IFNAR2: variants seen among roughly 807,000 people sequenced by gnomAD.
The protein encoded by IFNAR2 is interferon alpha/beta receptor 2.
A neutral mutation model predicts 49.4 loss-of-function variants in IFNAR2; 30 were observed. The ratio of observed to expected loss-of-function variants is 0.61; its 90% confidence interval spans 0.45 to 0.82. IFNAR2 has a LOEUF of 0.82. IFNAR2 is among the 40% of genes least tolerant of loss of function. IFNAR2 has a pLI of 0.00. For synonymous variants in IFNAR2, 224 were observed against 234.5 expected, an observed-to-expected ratio of 0.96 and a Z score of 0.41; for missense variants, 600 against 622.7, an observed-to-expected ratio of 0.96 and a Z score of 0.39.
chr21:33,258,783 G>T (rs1988381610), intron 7 of IFNAR2, among the ~76,000 whole-genome samples: 1 of 152,160 alleles, frequency 6.6e-6, no homozygotes, highest in African/African-American at 2.4e-5. Flanking sequence ...AAAGATGGAG[G>T]AGCCTGAATG....
chr21:33,252,860 G>C (rs528270836), intron 7 of IFNAR2, 30 bp downstream of exon 7: 1 of 1,537,952 alleles, frequency 6.5e-7, no homozygotes, highest in Non-Finnish European at 9.0e-7. Context: ...TTCATGTTTT[G>C]AGTATTCATG....
chr21:33,256,472 G>C (rs529656777), intron 7 of IFNAR2, among the ~76,000 whole-genome samples: 42 of 152,148 alleles, frequency 2.8e-4, no homozygotes, highest in Non-Finnish European at 5.3e-4. Context: ...TCAGAAACCA[G>C]ACAGGTTTGG....
At chr21:33,260,358 T>C (rs2123529526) in intron 7 of IFNAR2, among the ~76,000 whole-genome samples, 1 of 152,326 alleles carries the variant, frequency 6.6e-6, no homozygotes, top group South Asian at 2.1e-4. Context: ...CACTGTACAG[T>C]GCAGTTATAG....
intron 7 of IFNAR2, among the ~76,000 whole-genome samples, chr21:33,253,904 G>A (rs902149335): frequency 3.9e-5 from 6 of 152,144 alleles, no homozygotes; most frequent in South Asian, 2.1e-4. Context: ...CTTTACCAAC[G>A]GTATCTTGTG....
In IFNAR2 at chr21:33,263,648, C is replaced by G; in HGVS notation, c.*148C>G. 1 of 673,304 alleles carries G rather than the reference C, an allele frequency of 1.5e-6. No individual in the cohort carries two copies. The highest frequency in any genetic ancestry group is 2.5e-6 in the Non-Finnish European group (1 of 403,618). The allele number at this position is 673,304 out of a possible 1,614,324, so 41.7% of individuals were successfully genotyped here. A position where few individuals can be genotyped will look rare whatever the true frequency, so the allele number is the denominator to read the frequency against. ...GTTCCTTTCTTCCAGGTGACATCACCTATGCACATTCCCAGTATGGGGACC... is the reference window on the plus strand; with the variant it reads ...GTTCCTTTCTTCCAGGTGACATCACGTATGCACATTCCCAGTATGGGGACC... On this transcript the variant is annotated 3_prime_UTR_variant, in exon 9 of 9. Coordinates refer to ENST00000342136, the MANE Select transcript of IFNAR2 (RefSeq NM_001289125.3).
chr21:33,234,158 T>C (rs1986263999), intron 1 of IFNAR2, among the ~76,000 whole-genome samples: 1 of 150,566 alleles, frequency 6.6e-6, no homozygotes, highest in Non-Finnish European at 1.5e-5. Flanking sequence ...TTTAGTCTTT[T>C]CCCAAGTAAC....
rs1388225550 is a variant in IFNAR2, at chr21:33,264,373, C to T, written c.*873C>T. On this transcript the variant is annotated 3_prime_UTR_variant, in exon 9 of 9. Transcript: ENST00000342136. ...ACCTCACCCATGTCACATCCTGTCT[C>T]CTGCAATTGGAATTCCACCTTGTCC... The T allele has an allele frequency of 6.6e-6, 1 of 152,116 alleles. No homozygotes were observed. The highest frequency in any genetic ancestry group is 1.5e-5 in the Non-Finnish European group (1 of 68,054). 9.4% of individuals were successfully genotyped at this position (152,116 alleles called of 1,614,324 possible).
Position 33,242,693 on chromosome 21 carries a change from G to A in IFNAR2, c.55+716G>A, listed in dbSNP as rs1371366783. ...GCTTGCAGTGAGCCGAGATCGAGCC[G>A]CTGCACTCCAGCCTGACAGAGCAAG... On this transcript the variant is annotated intron_variant, in intron 2 of 8. Coordinates refer to ENST00000342136, the MANE Select transcript of IFNAR2 (RefSeq NM_001289125.3). 2.4e-5 allele frequency among the ~76,000 whole-genome samples: 3 copies of A among 126,286 alleles called. 1 individual carries two copies. Among genetic ancestry groups the A allele is most frequent in the Non-Finnish European group, 1.6e-5 (1 of 62,854 alleles). 82.8% of individuals were successfully genotyped at this position (126,286 alleles called of 152,430 possible). A position where few individuals can be genotyped will look rare whatever the true frequency, so the allele number is the denominator to read the frequency against.
At chr21:33,243,616 T>C (rs1490247044) in intron 2 of IFNAR2, 57 bp from the exon 3 acceptor site, 11 of 1,419,958 alleles carry the variant, frequency 7.7e-6, no homozygotes, top group Non-Finnish European at 1.1e-5. Flanking sequence ...AGAGTAATCA[T>C]TGCAAGTTGA....
At chr21:33,245,142 T>C (rs1003362385) in intron 4 of IFNAR2, 68 bp downstream of exon 4, 4 of 1,170,512 alleles carry the variant, frequency 3.4e-6, no homozygotes, top group African/African-American at 1.5e-5. Context: ...AGAGGTGATC[T>C]TTTCTCTCTC....
chr21:33,259,432 C>A (rs1320118254), intron 7 of IFNAR2, among the ~76,000 whole-genome samples: 1 of 152,146 alleles, frequency 6.6e-6, no homozygotes, highest in Non-Finnish European at 1.5e-5. Context: ...AACAAAAATT[C>A]TAAGTTCTCC....
At chr21:33,253,017 C>T in intron 7 of IFNAR2, 187 bp downstream of exon 7, 1 of 621,926 alleles carries the variant, frequency 1.6e-6, no homozygotes, top group Non-Finnish European at 2.9e-6. Context: ...TTTATATTGT[C>T]ATACCAAAAA....
chr21:33,236,035 A>C (rs945906841), intron 1 of IFNAR2, among the ~76,000 whole-genome samples: 1 of 152,250 alleles, frequency 6.6e-6, no homozygotes, highest in African/African-American at 2.4e-5. Context: ...CATTTAATTC[A>C]TATATGGAAT....
In IFNAR2 at chr21:33,230,361, C is replaced by T. The variant is rs967056034; in HGVS notation, c.-84+145C>T. On this transcript the variant is annotated intron_variant, in intron 1 of 8. Transcript: ENST00000342136. This position sits in a 1 kb window ranked among gnomAD's most constrained non-coding sequence, Gnocchi z 5.5. ...TCCTCCTCCTCCTCCTGCCCTCCCTCTGCGTCTTGAGTATGCGGCTAGTGC... is the reference window on the plus strand; with the variant it reads ...TCCTCCTCCTCCTCCTGCCCTCCCTTTGCGTCTTGAGTATGCGGCTAGTGC... 9 of 684,234 alleles carry T rather than the reference C, an allele frequency of 1.3e-5. No individual in the cohort carries two copies. Among genetic ancestry groups the T allele is most frequent in the Non-Finnish European group, 1.8e-5 (9 of 487,668 alleles). 42.4% of individuals were successfully genotyped at this position (684,234 alleles called of 1,614,324 possible).
chr21:33,231,097 GA>G (rs1171155686), intron 1 of IFNAR2, among the ~76,000 whole-genome samples: 1 of 152,112 alleles, frequency 6.6e-6, no homozygotes, highest in Non-Finnish European at 1.5e-5. Context: ...AGAAGTGCCG[GA>G]GCTGGCTCAG....
In IFNAR2 at chr21:33,256,129, G is replaced by A. The variant is rs1476334500; in HGVS notation, c.709+3299G>A. On this transcript the variant is annotated intron_variant, in intron 7 of 8. Transcript: ENST00000342136. ...GTTCCAAGGTGAATGTGTTGCTGAT[G>A]AGAAGGCACAAGCTCCTTGGAGGTT... Among the ~76,000 whole-genome samples, 37 of 152,192 alleles carry A rather than the reference G, an allele frequency of 2.4e-4. 1 individual carries two copies. The highest frequency in any genetic ancestry group is 2.4e-3 in the Admixed American group (37 of 15,288).
intron 3 of IFNAR2, among the ~76,000 whole-genome samples, chr21:33,243,964 AT>A (rs1431119397): frequency 3.9e-5 from 6 of 152,352 alleles, no homozygotes; most frequent in African/African-American, 1.4e-4. Context: ...CAAACTCTTA[AT>A]AATCTCACTA....
Position 33,230,270 on chromosome 21 carries a change from G to C in IFNAR2, c.-84+54G>C. 9.1e-7 allele frequency: 1 copy of C among 1,103,426 alleles called. No homozygotes were observed. 68.4% of individuals were successfully genotyped at this position (1,103,426 alleles called of 1,614,324 possible). On this transcript the variant is annotated intron_variant, in intron 1 of 8. Transcript: ENST00000342136. This position sits in a 1 kb window ranked among gnomAD's most constrained non-coding sequence, Gnocchi z 5.5. ...CGGAGCGCGTGGCCAGCTGACTGGAGGGAAAACGCCGCCTCCCTGCAGCGG... is the reference window on the plus strand; with the variant it reads ...CGGAGCGCGTGGCCAGCTGACTGGACGGAAAACGCCGCCTCCCTGCAGCGG...
At chr21:33,237,078 G>GGT (rs34322078) in intron 1 of IFNAR2, among the ~76,000 whole-genome samples, 6,898 of 147,628 alleles carry the variant, frequency 0.047, 170 homozygotes, top group Non-Finnish European at 0.057. Context: ...GGGAGAATGG[G>GGT]GTGTGTGTGT....
Sources: gnomAD v4.1 joint callset for allele counts (sites outside exome capture counted in the v4.1 genomes callset) on GRCh38, gnomAD v4.1.1 for gene constraint, Gnocchi (gnomAD v3.1) non-coding constraint, MANE v1.5 for transcripts, NCBI Gene and HGNC (gene_info 2026-07-23, HGNC 2026-07-21) for gene names.